TNIK: variants seen among roughly 807,000 people sequenced by gnomAD.
TNIK encodes the protein TRAF2 and NCK interacting kinase.
In TNIK, 49 loss-of-function variants were observed where a neutral mutation model predicts 191.3. The ratio of observed to expected loss-of-function variants is 0.26; its 90% CI spans 0.20 to 0.32. The LOEUF (loss-of-function observed/expected upper bound fraction) is 0.32. TNIK is among the 10% of genes least tolerant of loss of function. TNIK has a pLI of 1.00. For synonymous variants in TNIK, 594 were observed against 600.9 expected (o/e 0.99, Z 0.17); for missense variants, 1,155 against 1,702.3 (o/e 0.68, Z 5.66).
chr3:171,213,571 A>C (rs974543695), intron 3 of TNIK, among the ~76,000 whole-genome samples: 4 of 152,192 alleles, frequency 2.6e-5, no homozygotes. Context: ...CATTAAGAAA[A>C]TAAGAGCTTA....
intron 1 of TNIK, among the ~76,000 whole-genome samples, chr3:171,432,699 G>A (rs1725522972): frequency 6.6e-6 from 1 of 152,052 alleles, no homozygotes; most frequent in South Asian, 2.1e-4. Flanking sequence ...ATTTAAAAAA[G>A]GCAAAAGAAA....
intron 1 of TNIK, among the ~76,000 whole-genome samples, chr3:171,427,948 T>C (rs1319444559): frequency 1.3e-5 from 2 of 152,268 alleles, no homozygotes; most frequent in Admixed American, 1.3e-4. Context: ...CGCTGCAGTC[T>C]CCTGGAGGGC....
intron 6 of TNIK, among the ~76,000 whole-genome samples, chr3:171,190,485 C>A (rs1737912717): frequency 6.6e-6 from 1 of 152,156 alleles, no homozygotes; most frequent in Admixed American, 6.5e-5. Flanking sequence ...ATTGATTAAG[C>A]AAGTGGTTCT....
intron 15 of TNIK, among the ~76,000 whole-genome samples, chr3:171,137,199 C>T (rs777217370): frequency 7.8e-6 from 1 of 128,636 alleles, no homozygotes; most frequent in Non-Finnish European, 1.6e-5. Flanking sequence ...ATTTTCTGTA[C>T]ATATGTCAGA....
At chr3:171,248,538 T>C (rs914273133) in intron 2 of TNIK, among the ~76,000 whole-genome samples, 4 of 152,168 alleles carry the variant, frequency 2.6e-5, no homozygotes, top group African/African-American at 7.2e-5. Context: ...TAAAGTTTCA[T>C]GGGGACTGAG....
chr3:171,230,686 C>T (rs1247905013), intron 2 of TNIK, among the ~76,000 whole-genome samples: 2 of 152,210 alleles, frequency 1.3e-5, no homozygotes, highest in East Asian at 3.8e-4. Flanking sequence ...CTTACTCTCT[C>T]TTTCCAGATT....
At chr3:171,349,342 TC>T (rs1434450367) in intron 2 of TNIK, among the ~76,000 whole-genome samples, 1 of 152,172 alleles carries the variant, frequency 6.6e-6, no homozygotes, top group African/African-American at 2.4e-5. Context: ...ACAAAGCACC[TC>T]CTTTTACTAG....
intron 2 of TNIK, among the ~76,000 whole-genome samples, chr3:171,306,630 G>A (rs1237278993): frequency 6.6e-6 from 1 of 152,050 alleles, no homozygotes. Context: ...TTAAACGTTT[G>A]GATTCCTTTT....
chr3:171,380,253 T>G (rs2108517471), intron 1 of TNIK, among the ~76,000 whole-genome samples: 1 of 152,272 alleles, frequency 6.6e-6, no homozygotes, highest in South Asian at 2.1e-4. Context: ...CTTTCCAGTA[T>G]TTCCAGCAAA....
intron 1 of TNIK, among the ~76,000 whole-genome samples, chr3:171,371,865 A>T (rs1716534166): frequency 6.6e-6 from 1 of 152,182 alleles, no homozygotes; most frequent in Admixed American, 6.5e-5. Flanking sequence ...TTTCTGCAAC[A>T]TATTTGGAGA....
At chr3:171,264,111 C>CACACACATAT (rs1257639293) in intron 2 of TNIK, among the ~76,000 whole-genome samples, 2 of 61,016 alleles carry the variant, frequency 3.3e-5, no homozygotes, top group Admixed American at 2.8e-4. Context: ...CACACACACA[C>CACACACATAT]ATATATATAT....
intron 2 of TNIK, among the ~76,000 whole-genome samples, chr3:171,362,071 G>A (rs1577635847): frequency 6.6e-6 from 1 of 152,216 alleles, no homozygotes; most frequent in South Asian, 2.1e-4. Context: ...TATGCTACCT[G>A]AAGAAGAAAT....
intron 2 of TNIK, among the ~76,000 whole-genome samples, chr3:171,233,762 A>G (rs1743948246): frequency 6.6e-6 from 1 of 152,140 alleles, no homozygotes; most frequent in Non-Finnish European, 1.5e-5. Flanking sequence ...CACTCAGCAA[A>G]TATTTGCTGA....
At chr3:171,290,125 C>G (rs1050743527) in intron 2 of TNIK, among the ~76,000 whole-genome samples, 1 of 152,168 alleles carries the variant, frequency 6.6e-6, no homozygotes, top group Non-Finnish European at 1.5e-5. Context: ...CAGCTTGTAG[C>G]ACTTTGGGCT....
intron 4 of TNIK, among the ~76,000 whole-genome samples, chr3:171,210,302 G>T (rs1287569871): frequency 1.3e-5 from 2 of 152,150 alleles, no homozygotes; most frequent in Admixed American, 6.6e-5. Context: ...TATAAAATTG[G>T]CAAGGGAAGG....
At chr3:171,299,880 G>A (rs1008501565) in intron 2 of TNIK, among the ~76,000 whole-genome samples, 1 of 152,186 alleles carries the variant, frequency 6.6e-6, no homozygotes, top group Non-Finnish European at 1.5e-5. Context: ...TAACGTACAA[G>A]GAGACAATTT....
chr3:171,339,052 A>G (rs995748123), intron 2 of TNIK, among the ~76,000 whole-genome samples: 1 of 152,180 alleles, frequency 6.6e-6, no homozygotes, highest in Non-Finnish European at 1.5e-5. Flanking sequence ...CATCCCTTTA[A>G]CAAACCTTTA....
intron 15 of TNIK, among the ~76,000 whole-genome samples, chr3:171,136,484 C>T (rs1729988269): frequency 6.6e-6 from 1 of 152,152 alleles, no homozygotes; most frequent in East Asian, 1.9e-4. Flanking sequence ...GGAGATCTCA[C>T]TATGGTCCTC....
intron 1 of TNIK, among the ~76,000 whole-genome samples, chr3:171,401,139 A>G (rs1242789220): frequency 6.6e-6 from 1 of 152,154 alleles, no homozygotes; most frequent in African/African-American, 2.4e-5. Flanking sequence ...AGAAGCTGGG[A>G]ACCAGAGCTC....
Sources: allele counts gnomAD v4.1 joint callset (sites outside exome capture counted in the v4.1 genomes callset), GRCh38; gene constraint gnomAD v4.1.1; transcripts MANE v1.5; gene names NCBI Gene and HGNC (gene_info 2026-07-23, HGNC 2026-07-21).